CENPL: variants seen among roughly 807,000 people sequenced by gnomAD.
CENPL encodes interphase centromere complex protein 33.
CENPL carries 20 observed loss-of-function variants against 35.2 expected under a neutral mutation model. That is an observed-to-expected ratio of 0.57 (90% CI 0.40 to 0.83). The LOEUF is 0.83. Ranked by LOEUF, CENPL falls within the 40% of genes least tolerant of loss-of-function variation. The pLI, the probability that CENPL is intolerant of heterozygous loss-of-function variation, is 0.00. For missense variants in CENPL, 363 were observed against 395.8 expected (o/e 0.92, Z 0.70); for synonymous variants, 140 against 140.6 (o/e 1.00, Z 0.03).
At chr1:173,800,555 G>C (rs1416559740) in intron 5 of CENPL, 36 bp from the exon 6 acceptor site, 1 of 824,132 alleles carries the variant, frequency 1.2e-6, no homozygotes, top group Non-Finnish European at 2.1e-6. Flanking sequence ...TTTAAAATTA[G>C]AATAGTATTA....
intron 2 of CENPL, among the ~76,000 whole-genome samples, chr1:173,816,247 G>A (rs1428450650): frequency 1.3e-5 from 2 of 152,126 alleles, no homozygotes; most frequent in Non-Finnish European, 2.9e-5. Context: ...TCGTGAAAAT[G>A]GCCATACTGC....
chr1:173,810,136 T>A (rs1386028944), intron 3 of CENPL, among the ~76,000 whole-genome samples: 1 of 152,090 alleles, frequency 6.6e-6, no homozygotes, highest in Non-Finnish European at 1.5e-5. Flanking sequence ...ACAGACTGGA[T>A]AAAGAAAATG....
rs761609032 is a variant in CENPL at position 173,803,295 on chromosome 1, A to C, written c.631T>G (p.Leu211Val). Residue 211 changes from leucine (L) to valine (V), a missense_variant, in exon 5 of 6, where the codon TTA (leucine) becomes GTA (valine). Transcript: ENST00000682279. The stretch of plus-strand genomic sequence containing the variant: ...GAAAGATTAAATGCATTGATTGCTA[A>C]AGGACTGAAATAACAGTCAAAGGTT... ...QKTFDCYFSP[L>V]AINAFNLSWM... 3.1e-6 allele frequency: 5 copies of C among 1,613,060 alleles called. No individual in the cohort carries two copies. In the East Asian group the frequency reaches 1.1e-4, roughly 36 times the overall value.
chr1:173,806,412 C>T (rs1336158857), intron 4 of CENPL: 1 of 442,978 alleles, frequency 2.3e-6, no homozygotes, highest in Admixed American at 2.4e-5. Flanking sequence ...ATGGCGAGAC[C>T]CTGTCTACAA....
In CENPL at chr1:173,803,423, T is replaced by C; in HGVS notation, c.503A>G (p.Asp168Gly). The change falls in exon 5 of 6, where the codon GAC (aspartate) becomes GGC (glycine). Residue 168 changes from aspartate (D) to glycine (G), a missense_variant. Physicochemically the swap from Asp to Gly is moderately conservative, Grantham distance 94. Transcript: ENST00000682279. ...WTGWFCCVFG[D>G]SLLETVSEDF... is the part of the protein sequence containing the mutation. ...TTCTGAAACAGTCTCCAGAAGACTG[T>C]CTCCAAATACACAGCAGAACCAGCC... 1 of 1,614,004 alleles carries C rather than the reference T, an allele frequency of 6.2e-7. No homozygotes were observed. The highest frequency in any genetic ancestry group is 8.5e-7 in the Non-Finnish European group (1 of 1,179,974).
intron 2 of CENPL, among the ~76,000 whole-genome samples, chr1:173,817,153 C>CAA (rs113949549): frequency 0.016 from 2,377 of 146,768 alleles, 70 homozygotes; most frequent in African/African-American, 0.057. Flanking sequence ...AAAAAGAAAG[C>CAA]AAAAAAATAA....
chr1:173,814,663 C>T (rs1651180531), intron 2 of CENPL, among the ~76,000 whole-genome samples: 1 of 152,194 alleles, frequency 6.6e-6, no homozygotes, highest in Non-Finnish European at 1.5e-5. Context: ...GTACCAGAAT[C>T]TCTGGGACAC....
intron 2 of CENPL, among the ~76,000 whole-genome samples, chr1:173,819,355 C>T (rs553799292): frequency 1.3e-5 from 2 of 152,254 alleles, no homozygotes; most frequent in South Asian, 2.1e-4. Flanking sequence ...TTTGGGAGGC[C>T]GAGGAAAAGT....
chr1:173,818,010 C>G (rs1024418988), intron 2 of CENPL, among the ~76,000 whole-genome samples: 1 of 151,880 alleles, frequency 6.6e-6, no homozygotes, highest in Non-Finnish European at 1.5e-5. Flanking sequence ...GTCGAGGGGT[C>G]AGTGGCTGGG....
intron 2 of CENPL, among the ~76,000 whole-genome samples, chr1:173,813,406 T>A (rs1265381417): frequency 6.6e-6 from 1 of 151,710 alleles, no homozygotes; most frequent in Non-Finnish European, 1.5e-5. Flanking sequence ...AAGGAAAAAA[T>A]GTTAAGGGCA....
intron 3 of CENPL, among the ~76,000 whole-genome samples, chr1:173,810,027 T>C (rs1650656581): frequency 6.6e-6 from 1 of 152,324 alleles, no homozygotes; most frequent in South Asian, 2.1e-4. Flanking sequence ...CCCAAAGGAA[T>C]ATAAATCAGT....
intron 4 of CENPL, among the ~76,000 whole-genome samples, chr1:173,806,843 G>A (rs183858528): frequency 6.6e-6 from 1 of 152,098 alleles, no homozygotes; most frequent in Non-Finnish European, 1.5e-5. Flanking sequence ...ACATTTCTGA[G>A]AGTAACCTGG....
chr1:173,812,259 A>G (rs1650907634), intron 2 of CENPL, among the ~76,000 whole-genome samples: 1 of 152,280 alleles, frequency 6.6e-6, no homozygotes, highest in South Asian at 2.1e-4. Context: ...AACAAAAGGC[A>G]GCAGAAACGT....
At chr1:173,811,515 A>G (rs1650823688) in intron 2 of CENPL, among the ~76,000 whole-genome samples, 1 of 152,236 alleles carries the variant, frequency 6.6e-6, no homozygotes, top group Admixed American at 6.5e-5. Flanking sequence ...CAAAAACAGT[A>G]TATGTTCAAA....
At chr1:173,806,177 T>C (rs1650208512) in intron 4 of CENPL, among the ~76,000 whole-genome samples, 1 of 152,240 alleles carries the variant, frequency 6.6e-6, no homozygotes, top group Non-Finnish European at 1.5e-5. Context: ...CTGACTCTAA[T>C]CTATACAAAC....
rs1401149319 is a variant in CENPL, at chr1:173,811,115, G to A, written c.168+17C>T. The A allele has an allele frequency of 1.9e-6, 3 of 1,603,862 alleles. No individual in the cohort carries two copies. The highest frequency in any genetic ancestry group is 2.6e-6 in the Non-Finnish European group (3 of 1,171,968). ...TTCTCAATTATTGACTAACACAAAG[G>A]GACACAAAAAGCATACCTGCAACTG... On this transcript the variant is annotated intron_variant, in intron 3 of 5. Coordinates refer to ENST00000682279, the MANE Select transcript of CENPL (RefSeq NM_001387287.1).
intron 3 of CENPL, among the ~76,000 whole-genome samples, chr1:173,809,321 T>G (rs1650575183): frequency 6.6e-6 from 1 of 150,884 alleles, no homozygotes; most frequent in Admixed American, 6.6e-5. Context: ...CCAGCCTGGG[T>G]GATAGAGCAA....
rs1183958847 is a variant in CENPL, at chr1:173,807,287, G to C, written c.400C>G (p.Pro134Ala). 1.2e-6 allele frequency: 2 copies of C among 1,607,750 alleles called. No homozygotes were observed. Among genetic ancestry groups the C allele is most frequent in the Admixed American group, 3.4e-5 (2 of 59,592 alleles). The change falls in exon 4 of 6, where the codon CCG becomes GCG. Residue 134 changes from proline (P) to alanine (A), a missense_variant. Physicochemically the swap from Pro to Ala is conservative, Grantham distance 27. Transcript: ENST00000682279. ...TATACCTGGACAAGAAATGCTTCCG[G>C]GTCCCTTTGTGTTCCTTTCATTCCT... ...LLGMKGTQRDPEAFLVQIVSK... is the reference protein window; with the variant it reads ...LLGMKGTQRDAEAFLVQIVSK...
At chr1:173,818,309 C>T (rs186124126) in intron 2 of CENPL, among the ~76,000 whole-genome samples, 6 of 152,234 alleles carry the variant, frequency 3.9e-5, no homozygotes, top group Admixed American at 3.3e-4. Context: ...AAAACCTTTA[C>T]AGTAACAAGA....
Sources: allele counts gnomAD v4.1 joint callset (sites outside exome capture counted in the v4.1 genomes callset), GRCh38; gene constraint gnomAD v4.1.1; transcripts MANE v1.5; gene names NCBI Gene and HGNC (gene_info 2026-07-23, HGNC 2026-07-21).